NARS2: variants seen among roughly 807,000 people sequenced by gnomAD.
NARS2 encodes the protein asparaginyl-tRNA synthetase.
In NARS2, 60 loss-of-function variants were observed where a neutral mutation model predicts 62.9. That is an observed-to-expected ratio of 0.95 (90% CI 0.77 to 1.18). NARS2 has a LOEUF of 1.18. Among genes scored for constraint, NARS2 ranks in the 50% most tolerant of loss-of-function variants. The pLI is 0.00. For synonymous variants in NARS2, 196 were observed against 200.0 expected, an observed-to-expected ratio of 0.98 and a Z score of 0.17; for missense variants, 619 against 576.4, an observed-to-expected ratio of 1.07 and a Z score of -0.76.
At chr11:78,473,207 C>G (rs1339330937) in intron 9 of NARS2, among the ~76,000 whole-genome samples, 1 of 152,204 alleles carries the variant, frequency 6.6e-6, no homozygotes, top group African/African-American at 2.4e-5. Context: ...TCTCTCTCTT[C>G]CTTTCAAACA....
chr11:78,533,790 T>C lies in NARS2; in HGVS notation c.595-4854A>G, dbSNP rs146698646. Among the ~76,000 whole-genome samples the C allele has an allele frequency of 9.7e-3, 1,475 of 152,332 alleles. 10 individuals are homozygous for C. Among genetic ancestry groups the C allele is most frequent in the Non-Finnish European group, 0.014 (940 of 68,028 alleles). ...ATAGTTTCACTGCCCTAAAAATATG[T>C]GCTCCACCTAGTTATCCCTCCCTTT... On this transcript the variant is annotated intron_variant, in intron 5 of 13. Transcript: ENST00000281038.
chr11:78,469,431 G>T, intron 9 of NARS2, 118 bp from the exon 10 acceptor site: 1 of 712,964 alleles, frequency 1.4e-6, no homozygotes, highest in Non-Finnish European at 2.5e-6. Context: ...TGAATAATCA[G>T]GAATTAAGGC....
chr11:78,470,990 G>A (rs1362847240), intron 9 of NARS2, among the ~76,000 whole-genome samples: 1 of 148,336 alleles, frequency 6.7e-6, no homozygotes, highest in Admixed American at 6.8e-5. Context: ...CAAAAATGAA[G>A]TTCATATCCA....
At chr11:78,468,263 G>A (rs1333272499) in intron 10 of NARS2, among the ~76,000 whole-genome samples, 12 of 112,654 alleles carry the variant, frequency 1.1e-4, no homozygotes, top group Non-Finnish European at 1.7e-4. Context: ...AAAAGGCTCC[G>A]TAAAGTTCAA....
chr11:78,536,806 C>G (rs1389740976), intron 5 of NARS2, among the ~76,000 whole-genome samples: 1 of 152,164 alleles, frequency 6.6e-6, no homozygotes. Flanking sequence ...GGCCTTCCTA[C>G]TCACTTATAA....
intron 7 of NARS2, among the ~76,000 whole-genome samples, chr11:78,491,703 T>C (rs1468424740): frequency 6.6e-6 from 1 of 152,162 alleles, no homozygotes; most frequent in African/African-American, 2.4e-5. Flanking sequence ...TTCCCACTGT[T>C]CAATGTGACT....
chr11:78,474,832 T>C (rs1439683774), intron 9 of NARS2, among the ~76,000 whole-genome samples: 2 of 152,246 alleles, frequency 1.3e-5, no homozygotes, highest in African/African-American at 4.8e-5. Context: ...ATTTACAGGA[T>C]ACAATGTGTT....
intron 12 of NARS2, 48 bp from the exon 13 acceptor site, chr11:78,441,165 A>T (rs759080011): frequency 3.9e-6 from 6 of 1,542,116 alleles, no homozygotes; most frequent in Non-Finnish European, 5.3e-6. Context: ...AATAAGATAA[A>T]TATTAACCAC....
chr11:78,539,766 G>A (rs571437623), intron 5 of NARS2, among the ~76,000 whole-genome samples: 37 of 152,310 alleles, frequency 2.4e-4, no homozygotes, highest in African/African-American at 8.9e-4. Context: ...GTGGGCAGGA[G>A]TCCAACATGT....
At chr11:78,455,739 G>A (rs1031125574) in intron 11 of NARS2, among the ~76,000 whole-genome samples, 2 of 152,012 alleles carry the variant, frequency 1.3e-5, no homozygotes, top group Non-Finnish European at 1.5e-5. Context: ...TAATGAAGCT[G>A]CCATATATGC....
rs1260094866 is a variant in NARS2 at position 78,478,493 on chromosome 11, AAAG to A, written c.922-21_922-19del. 3 of 1,211,690 alleles carry A rather than the reference AAAG, an allele frequency of 2.5e-6. No individual in the cohort carries two copies. In the African/African-American group the frequency reaches 4.6e-5, roughly 19 times the overall value. The allele number at this position is 1,211,690 out of a possible 1,614,324, so 75.1% of individuals were successfully genotyped here. ...AATCTGTCCTTAATAAAAAGACAAAAAAGAAAATTTTAAAAATATAATTTTATT... is the reference window on the plus strand; with the variant it reads ...AATCTGTCCTTAATAAAAAGACAAAAAAAATTTTAAAAATATAATTTTATT... On this transcript the variant is annotated intron_variant, in intron 8 of 13. Coordinates refer to ENST00000281038, the MANE Select transcript of NARS2 (RefSeq NM_024678.6).
At chr11:78,533,025 T>C (rs1185355261) in intron 5 of NARS2, among the ~76,000 whole-genome samples, 1 of 152,238 alleles carries the variant, frequency 6.6e-6, no homozygotes, top group Non-Finnish European at 1.5e-5. Context: ...GAACAAACTC[T>C]TTTAAAATTG....
chr11:78,506,998 C>T (rs1041798680), intron 6 of NARS2, among the ~76,000 whole-genome samples: 1 of 152,110 alleles, frequency 6.6e-6, no homozygotes. Context: ...CAGCTGTGCA[C>T]GTCTTCCTGG....
intron 5 of NARS2, among the ~76,000 whole-genome samples, chr11:78,539,880 G>A (rs1271856168): frequency 6.6e-6 from 1 of 152,104 alleles, no homozygotes; most frequent in Non-Finnish European, 1.5e-5. Context: ...ACAAAACCAC[G>A]TGGATTTGAG....
At chr11:78,445,521 T>C (rs1257942920) in intron 11 of NARS2, among the ~76,000 whole-genome samples, 1 of 152,196 alleles carries the variant, frequency 6.6e-6, no homozygotes, top group African/African-American at 2.4e-5. Flanking sequence ...TTCTGGAGGC[T>C]GAGGCACGAA....
chr11:78,574,582 C>G lies in NARS2; in HGVS notation c.-94G>C. On this transcript the variant is annotated 5_prime_UTR_variant, in exon 1 of 14. Transcript: ENST00000281038. ...CCTCCTTTCTCAGCTGCTCCCCTTC[C>G]GCGGCCGCAGCTCTGCTCTAAGGCA... 1.4e-6 allele frequency: 2 copies of G among 1,405,322 alleles called. No homozygotes were observed. The highest frequency in any genetic ancestry group is 5.0e-5 in the East Asian group (2 of 40,046). 87.1% of individuals were successfully genotyped at this position (1,405,322 alleles called of 1,614,324 possible). A position where few individuals can be genotyped will look rare whatever the true frequency, so the allele number is the denominator to read the frequency against.
intron 6 of NARS2, among the ~76,000 whole-genome samples, chr11:78,525,878 G>A (rs1861276956): frequency 6.6e-6 from 1 of 152,092 alleles, no homozygotes; most frequent in African/African-American, 2.4e-5. Flanking sequence ...CGCCTCTGTG[G>A]TATTCTTTCA....
chr11:78,531,812 T>C (rs1861491033), intron 5 of NARS2, among the ~76,000 whole-genome samples: 1 of 152,172 alleles, frequency 6.6e-6, no homozygotes, highest in Admixed American at 6.5e-5. Context: ...TACATTTATA[T>C]GAAACATACA....
chr11:78,563,868 ATGT>A (rs1856646882), intron 4 of NARS2, among the ~76,000 whole-genome samples: 1 of 81,428 alleles, frequency 1.2e-5, no homozygotes, highest in Non-Finnish European at 2.1e-5. Context: ...ATATATATAT[ATGT>A]ATACACACAC....
Sources: gnomAD v4.1 joint callset for allele counts (sites outside exome capture counted in the v4.1 genomes callset) on GRCh38, gnomAD v4.1.1 for gene constraint, MANE v1.5 for transcripts, NCBI Gene and HGNC (gene_info 2026-07-23, HGNC 2026-07-21) for gene names.